Variants in TMOD2 observed in about 807,000 individuals in gnomAD.
TMOD2 encodes tropomodulin 2.
A neutral mutation model predicts 39.9 loss-of-function variants in TMOD2; 22 were observed. The ratio of observed to expected loss-of-function variants is 0.55; its 90% CI spans 0.39 to 0.79. The LOEUF (loss-of-function observed/expected upper bound fraction) is 0.79, where lower values mean the gene tolerates loss of function less well. Ranked by LOEUF, TMOD2 falls within the 30% of genes least tolerant of loss-of-function variation. TMOD2 has a pLI of 0.00. For missense variants in TMOD2, 386 were observed against 413.3 expected (o/e 0.93, Z 0.57); for synonymous variants, 123 against 146.1 (o/e 0.84, Z 1.14).
chr15:51,783,025 T>C (rs2055942265), intron 7 of TMOD2, 197 bp downstream of exon 7: 1 of 563,088 alleles, frequency 1.8e-6, no homozygotes. Flanking sequence ...TCTGGAATTT[T>C]GTCAGCATTA....
chr15:51,773,318 C>T (rs994779349), intron 3 of TMOD2, among the ~76,000 whole-genome samples: 4 of 152,198 alleles, frequency 2.6e-5, no homozygotes. Context: ...CCTTTGGCCT[C>T]ATGGTTCCTC....
chr15:51,805,196 G>C, intron 8 of TMOD2, among the ~76,000 whole-genome samples: 1 of 151,444 alleles, frequency 6.6e-6, no homozygotes, highest in Non-Finnish European at 1.5e-5. Context: ...CTGACCTCAA[G>C]TGATCCATCT....
Position 51,776,801 on chromosome 15 carries a change from C to T in TMOD2, c.407-131C>T, listed in dbSNP as rs941302249. 33 of 701,920 alleles carry T rather than the reference C, an allele frequency of 4.7e-5. No homozygotes were observed. In the Admixed American group the frequency reaches 6.6e-4, roughly 14 times the overall value. 43.5% of individuals were successfully genotyped at this position (701,920 alleles called of 1,614,324 possible). A position where few individuals can be genotyped will look rare whatever the true frequency, so the allele number is the denominator to read the frequency against. On this transcript the variant is annotated intron_variant, in intron 4 of 9. Coordinates refer to ENST00000249700, the MANE Select transcript of TMOD2 (RefSeq NM_014548.4). ...TTTAACGCTATACATGTACCACACA[C>T]TGTGCAAGGAAAGAGGACTCAGGGA... is the stretch of plus-strand genomic sequence containing the variant.
At chr15:51,785,487 G>T (rs2055963175) in intron 7 of TMOD2, among the ~76,000 whole-genome samples, 1 of 150,944 alleles carries the variant, frequency 6.6e-6, no homozygotes, top group South Asian at 2.1e-4. Context: ...ATATTATTCA[G>T]CCATAAAAAA....
At chr15:51,769,150 A>G (rs1167967727) in intron 3 of TMOD2, among the ~76,000 whole-genome samples, 3 of 152,274 alleles carry the variant, frequency 2.0e-5, no homozygotes, top group Non-Finnish European at 2.9e-5. Context: ...CTAACTGCTT[A>G]TGGTGTGATG....
At chr15:51,781,825 T>A (rs72730979) in intron 6 of TMOD2, among the ~76,000 whole-genome samples, 8,630 of 106,072 alleles carry the variant, frequency 0.081, 336 homozygotes, top group Non-Finnish European at 0.11. Context: ...AGAGAGAGAG[T>A]GTGTGTGTGT....
Position 51,779,940 on chromosome 15 carries a change from C to A in TMOD2, c.494-1104C>A, listed in dbSNP as rs117816580. ...CAAGAAACTCTCTTGCTTCAGTCCC[C>A]CAAAGTGCTGGGATTATAGGTGTGA... On this transcript the variant is annotated intron_variant, in intron 5 of 9. Coordinates refer to ENST00000249700, the MANE Select transcript of TMOD2 (RefSeq NM_014548.4). 3.9e-4 allele frequency among the ~76,000 whole-genome samples: 60 copies of A among 152,290 alleles called. 3 individuals carry two copies. In the East Asian group the frequency reaches 0.012, roughly 29 times the overall value.
chr15:51,773,877 C>A (rs1246336468), intron 4 of TMOD2, 43 bp downstream of exon 4: 3 of 1,569,632 alleles, frequency 1.9e-6, no homozygotes, highest in Non-Finnish European at 2.6e-6. Flanking sequence ...GGCTCTATGA[C>A]CTCCGAGCAT....
intron 7 of TMOD2, 56 bp from the exon 8 acceptor site, chr15:51,798,141 T>G (rs1478018024): frequency 6.7e-7 from 1 of 1,501,258 alleles, no homozygotes; most frequent in Non-Finnish European, 8.9e-7. Flanking sequence ...GTTTAGTAAA[T>G]TAATCTTTAG....
At chr15:51,768,124 A>G in intron 2 of TMOD2, 138 bp from the exon 3 acceptor site, 1 of 962,776 alleles carries the variant, frequency 1.0e-6, no homozygotes, top group African/African-American at 1.6e-5. Context: ...CAGAGCCCCC[A>G]GCCCTCAGCT....
chr15:51,777,420 A>G (rs187927801), intron 5 of TMOD2, among the ~76,000 whole-genome samples: 124 of 152,232 alleles, frequency 8.1e-4, no homozygotes, highest in Non-Finnish European at 1.4e-3. Flanking sequence ...TCCCTTCTCT[A>G]TTTGAGTGTC....
intron 8 of TMOD2, among the ~76,000 whole-genome samples, chr15:51,805,946 CAAAGTAA>C (rs1373817458): frequency 1.3e-5 from 2 of 151,914 alleles, no homozygotes; most frequent in Non-Finnish European, 2.9e-5. Flanking sequence ...TAAGAATTCC[CAAAGTAA>C]AAAGTAAAAA....
intron 3 of TMOD2, among the ~76,000 whole-genome samples, chr15:51,773,493 C>A (rs1245252362): frequency 6.6e-6 from 1 of 152,194 alleles, no homozygotes; most frequent in Non-Finnish European, 1.5e-5. Context: ...TCTCAGATCT[C>A]TGTGTGGCAG....
intron 3 of TMOD2, among the ~76,000 whole-genome samples, chr15:51,771,195 T>C (rs530632949): frequency 1.3e-4 from 20 of 152,244 alleles, no homozygotes; most frequent in African/African-American, 4.8e-4. Flanking sequence ...CACAACTGAA[T>C]AAAGTGAGCA....
At chr15:51,775,681 G>A (rs1247975951) in intron 4 of TMOD2, among the ~76,000 whole-genome samples, 5 of 145,318 alleles carry the variant, frequency 3.4e-5, no homozygotes, top group African/African-American at 2.6e-5. Context: ...GAGTTCAAGC[G>A]ATTCTTCTGC....
chr15:51,797,630 G>A (rs908285171), intron 7 of TMOD2, among the ~76,000 whole-genome samples: 3 of 152,116 alleles, frequency 2.0e-5, no homozygotes, highest in Admixed American at 6.5e-5. Context: ...GCAGGTGCCC[G>A]TGTGCAGTCC....
At chr15:51,792,181 T>A (rs144774166) in intron 7 of TMOD2, among the ~76,000 whole-genome samples, 42 of 151,588 alleles carry the variant, frequency 2.8e-4, no homozygotes, top group African/African-American at 1.0e-3. Flanking sequence ...AAGCAAACAA[T>A]CCCATCAAAA....
intron 5 of TMOD2, among the ~76,000 whole-genome samples, chr15:51,780,827 A>C (rs1405058937): frequency 1.3e-5 from 2 of 152,214 alleles, no homozygotes; most frequent in Admixed American, 6.5e-5. Context: ...TGTTAGCCCC[A>C]GGGAATTCTC....
Position 51,768,327 on chromosome 15 carries a change from T to G in TMOD2, c.192T>G (p.Phe64Leu). The G allele has an allele frequency of 6.2e-7, 1 of 1,614,170 alleles. No homozygotes were observed. Among genetic ancestry groups the G allele is most frequent in the Non-Finnish European group, 8.5e-7 (1 of 1,180,020 alleles). Residue 64 changes from phenylalanine (F) to leucine (L), a missense_variant, in exon 3 of 10, where the codon TTT (phenylalanine) becomes TTG (leucine). By Grantham distance (22) the Phe-to-Leu change is conservative. Coordinates refer to ENST00000249700, the MANE Select transcript of TMOD2 (RefSeq NM_014548.4). ...CACAGAAGGCAGCCACCGGCCCCTT[T>G]GACCGCGAGCACCTCCTCATGTACC... ...DQTQKAATGPFDREHLLMYLE... is the reference protein window; with the variant it reads ...DQTQKAATGPLDREHLLMYLE...
Sources: gnomAD v4.1 joint callset for allele counts (sites outside exome capture counted in the v4.1 genomes callset) on GRCh38, gnomAD v4.1.1 for gene constraint, MANE v1.5 for transcripts, NCBI Gene and HGNC (gene_info 2026-07-23, HGNC 2026-07-21) for gene names.